Variants in SNX14 observed in about 807,000 individuals in gnomAD.
The protein encoded by SNX14 is sorting nexin-14.
SNX14 carries 93 observed loss-of-function variants against 133.8 expected under a neutral mutation model. The ratio of observed to expected loss-of-function variants is 0.70; its 90% confidence interval spans 0.59 to 0.83. The LOEUF is 0.83. SNX14 is among the 40% of genes least tolerant of loss of function. SNX14 has a pLI of 0.00. For missense variants in SNX14, 945 were observed against 1,094.9 expected, an observed-to-expected ratio of 0.86 and a Z score of 1.93; for synonymous variants, 368 against 365.6, an observed-to-expected ratio of 1.01 and a Z score of -0.07.
intron 1 of SNX14, among the ~76,000 whole-genome samples, chr6:85,588,197 T>C (rs1056997241): frequency 3.9e-5 from 6 of 152,086 alleles, no homozygotes; most frequent in Non-Finnish European, 5.9e-5. Flanking sequence ...GTGGGAGGAC[T>C]GCTTGAGCCC....
In SNX14 at chr6:85,547,183, AGATCTT is replaced by A. The variant is rs1785922339; in HGVS notation, c.1031_1036del (p.Gln344_Asp345del). 12 of 1,614,092 alleles carry A rather than the reference AGATCTT, an allele frequency of 7.4e-6. No homozygotes were observed. The highest frequency in any genetic ancestry group is 9.3e-6 in the Non-Finnish European group (11 of 1,179,968). On this transcript the variant is annotated inframe_deletion, in exon 12 of 29. Transcript: ENST00000314673. ...CAGAAAGTTCATAAAACGAAATAAA[AGATCTT>A]GTTGCTCTCTGATTTGCTTCAATTC...
At position 85,549,624 on chromosome 6, in the gene SNX14, C is replaced by CA. The variant is rs777725149; in HGVS notation, c.791+98_791+99insT. On this transcript the variant is annotated intron_variant, in intron 8 of 28. Coordinates refer to ENST00000314673, the MANE Select transcript of SNX14 (RefSeq NM_153816.6). Reference sequence around the variant, plus strand: ...TTTCAAATGAAAAGCTATTCATAGGCTAACCTCAAATTTTAGCATATGCCT... The same window carrying CA: ...TTTCAAATGAAAAGCTATTCATAGGCATAACCTCAAATTTTAGCATATGCCT... 6,462 of 993,774 alleles carry CA rather than the reference C, an allele frequency of 6.5e-3. 38 individuals are homozygous for CA. Among genetic ancestry groups the CA allele is most frequent in the Middle Eastern group, 0.026 (71 of 2,756 alleles). 61.6% of individuals were successfully genotyped at this position (993,774 alleles called of 1,614,324 possible).
intron 28 of SNX14, 137 bp from the exon 29 acceptor site, chr6:85,506,142 G>A (rs916405546): frequency 4.7e-5 from 30 of 633,428 alleles, no homozygotes; most frequent in Non-Finnish European, 8.1e-5. Flanking sequence ...GGCATATGGA[G>A]TGAGAAATAT....
chr6:85,510,726 C>T (rs1050467856), intron 26 of SNX14, among the ~76,000 whole-genome samples: 2 of 152,156 alleles, frequency 1.3e-5, no homozygotes, highest in African/African-American at 2.4e-5. Flanking sequence ...CCATGTTATC[C>T]TCTAAGTTTT....
chr6:85,538,764 T>C, intron 16 of SNX14, 74 bp downstream of exon 16: 2 of 1,336,326 alleles, frequency 1.5e-6, no homozygotes, highest in Non-Finnish European at 2.1e-6. Context: ...TTCCTTTTTA[T>C]TTGTATTAGG....
In SNX14 at chr6:85,543,301, C is replaced by T; in HGVS notation, c.1270G>A (p.Glu424Lys). 6.4e-7 allele frequency: 1 copy of T among 1,562,890 alleles called. No individual in the cohort carries two copies. Among genetic ancestry groups the T allele is most frequent in the Non-Finnish European group, 8.6e-7 (1 of 1,162,014 alleles). Residue 424 changes from glutamate to lysine, a missense_variant, in exon 14 of 29, where the codon GAA (glutamate) becomes AAA (lysine). Physicochemically the swap from Glu to Lys is moderately conservative, Grantham distance 56. Around this residue, in one of 3 missense-constraint regions of SNX14, gnomAD observed 514 missense variants for 538.8 expected, o/e 0.95. Transcript: ENST00000314673. ...TTCACAACATCTATGTATGGGCCTT[C>T]AGCAACTATTAAAAAAATTCTACTG... ...FIVEEIQRIA[E>K]GPYIDVVKLQ...
chr6:85,587,591 TC>T (rs769596946), intron 1 of SNX14, among the ~76,000 whole-genome samples: 2 of 152,160 alleles, frequency 1.3e-5, no homozygotes, highest in Non-Finnish European at 2.9e-5. Context: ...CACCTCAGCC[TC>T]CTGGGTAGCT....
At chr6:85,541,808 T>G (rs1039263772) in intron 15 of SNX14, among the ~76,000 whole-genome samples, 177 bp downstream of exon 15, 3 of 152,220 alleles carry the variant, frequency 2.0e-5, no homozygotes, top group Non-Finnish European at 1.5e-5. Context: ...TAAAAGAATT[T>G]CAGGCATTTT....
chr6:85,513,612 T>C (rs1047081272), intron 26 of SNX14, among the ~76,000 whole-genome samples, 188 bp downstream of exon 26: 16 of 152,224 alleles, frequency 1.1e-4, no homozygotes, highest in Admixed American at 1.3e-4. Context: ...CTTAAAGTCC[T>C]AATATCTTAG....
intron 23 of SNX14, among the ~76,000 whole-genome samples, chr6:85,515,280 A>AAC (rs1774535436): frequency 1.3e-5 from 2 of 149,576 alleles, no homozygotes; most frequent in Non-Finnish European, 1.5e-5. Flanking sequence ...AAAAAAAAAA[A>AAC]AAAAAAACAC....
At chr6:85,582,410 C>T (rs1799313300) in intron 1 of SNX14, among the ~76,000 whole-genome samples, 2 of 151,016 alleles carry the variant, frequency 1.3e-5, no homozygotes, top group East Asian at 1.9e-4. Flanking sequence ...ATTCATCAGA[C>T]ATAAAGAACA....
At chr6:85,571,188 C>A (rs2128189787) in intron 4 of SNX14, among the ~76,000 whole-genome samples, 1 of 151,826 alleles carries the variant, frequency 6.6e-6, no homozygotes, top group South Asian at 2.1e-4. Context: ...CCCGTCTCTA[C>A]TAAAATGACA....
At chr6:85,558,172 T>A (rs1790357281) in intron 6 of SNX14, 112 bp from the exon 7 acceptor site, 1 of 611,248 alleles carries the variant, frequency 1.6e-6, no homozygotes, top group African/African-American at 1.9e-5. Context: ...GTATTCAGAA[T>A]CTTTCAAAAA....
chr6:85,579,340 G>C (rs1020265373), intron 1 of SNX14, among the ~76,000 whole-genome samples: 4 of 152,112 alleles, frequency 2.6e-5, no homozygotes, highest in Admixed American at 2.6e-4. Flanking sequence ...ACCATAAGGA[G>C]AGAGAGAGGC....
rs59514276 is a variant in SNX14 at position 85,536,998 on chromosome 6, T to TA, written c.1476-75dup. The TA allele has an allele frequency of 0.64, 862,234 of 1,342,006 alleles. 280,838 individuals are homozygous for TA. Among genetic ancestry groups the TA allele is most frequent in the African/African-American group, 0.92 (61,608 of 67,062 alleles). 83.1% of individuals were successfully genotyped at this position (1,342,006 alleles called of 1,614,324 possible). On this transcript the variant is annotated intron_variant, in intron 16 of 28. Coordinates refer to ENST00000314673, the MANE Select transcript of SNX14 (RefSeq NM_153816.6). The stretch of plus-strand genomic sequence containing the variant: ...AGTCTAGTTTATTGAAAACCATTAT[T>TA]AAAAAAAAGAAAAACAGTTTTGAAA...
At chr6:85,558,933 C>T (rs1380651150) in intron 6 of SNX14, among the ~76,000 whole-genome samples, 1 of 64,488 alleles carries the variant, frequency 1.6e-5, no homozygotes, top group Non-Finnish European at 2.5e-5. Context: ...ATGCAGAAAA[C>T]AGGAAAAAAA....
intron 8 of SNX14, among the ~76,000 whole-genome samples, chr6:85,548,904 T>A (rs1420084000): frequency 2.0e-5 from 3 of 149,042 alleles, no homozygotes; most frequent in Non-Finnish European, 4.5e-5. Flanking sequence ...CAGGCAGAGG[T>A]TGCAGTGAGC....
intron 21 of SNX14, among the ~76,000 whole-genome samples, chr6:85,522,646 C>G (rs1399969154): frequency 1.3e-5 from 2 of 152,310 alleles, no homozygotes; most frequent in East Asian, 3.9e-4. Flanking sequence ...TTAGCATCAT[C>G]CTTTAAACTG....
At chr6:85,548,706 C>A (rs1454044105) in intron 8 of SNX14, among the ~76,000 whole-genome samples, 1 of 152,028 alleles carries the variant, frequency 6.6e-6, no homozygotes, top group African/African-American at 2.4e-5. Context: ...GGGTGGCTCA[C>A]GCCTGTAATC....
Sources: allele counts gnomAD v4.1 joint callset (sites outside exome capture counted in the v4.1 genomes callset), GRCh38; gene constraint gnomAD v4.1.1; regional missense constraint gnomAD v4.1.1; transcripts MANE v1.5; gene names NCBI Gene and HGNC (gene_info 2026-07-23, HGNC 2026-07-21).